The following CRYBB2 variants were observed in gnomAD, a reference collection of about 807,000 sequenced individuals.
CRYBB2 encodes the protein crystallin beta B2.
In CRYBB2, 12 loss-of-function variants were observed where a neutral mutation model predicts 24.3. The ratio of observed to expected loss-of-function variants is 0.49; its 90% CI spans 0.32 to 0.80. The LOEUF is 0.80. CRYBB2 is among the 30% of genes least tolerant of loss of function. The probability of loss-of-function intolerance (pLI) is 0.04; values close to 1 mark genes in which losing one functional copy is unlikely to be tolerated. For missense variants in CRYBB2, 198 were observed against 268.5 expected (o/e 0.74, Z 1.83); for synonymous variants, 98 against 101.6 (o/e 0.96, Z 0.21).
Position 25,231,703 on chromosome 22 carries a change from G to A in CRYBB2, c.549G>A (p.Gln183=). The A allele has an allele frequency of 6.2e-7, 1 of 1,614,152 alleles. No individual in the cohort carries two copies. ...DSSDFGAPHP[Q]VQSVRRIRDM... is the part of the protein sequence containing the mutation. ...GCGACTTTGGGGCCCCTCACCCCCA[G>A]GTGCAGTCCGTGCGCCGTATCCGCG... The change falls in exon 6 of 6, where the codon CAG becomes CAA. Residue 183 remains glutamine (Q), a synonymous_variant. Transcript: ENST00000398215.
At chr22:25,230,525 C>A (rs1935512757) in intron 5 of CRYBB2, among the ~76,000 whole-genome samples, 1 of 151,794 alleles carries the variant, frequency 6.6e-6, no homozygotes, top group African/African-American at 2.4e-5. Flanking sequence ...TTGAAACCAG[C>A]CACAGGGTGC....
At chr22:25,216,618 G>T (rs1300765354), upstream of CRYBB2, among the ~76,000 whole-genome samples, 1 of 152,048 alleles carries the variant, frequency 6.6e-6, no homozygotes, top group Non-Finnish European at 1.5e-5. Flanking sequence ...GTTTTTTGGG[G>T]GACATTTTTG....
At chr22:25,228,295 G>T (rs375873549) in intron 4 of CRYBB2, among the ~76,000 whole-genome samples, 94 of 147,840 alleles carry the variant, frequency 6.4e-4, no homozygotes, top group African/African-American at 2.3e-3. Flanking sequence ...ACTATGAAAT[G>T]CTCCAGAGGG....
chr22:25,212,080 A>C (rs1265253486), upstream of CRYBB2, among the ~76,000 whole-genome samples: 1 of 152,252 alleles, frequency 6.6e-6, no homozygotes, highest in Non-Finnish European at 1.5e-5. Context: ...AGGGCTTAGA[A>C]CAATGAGTAA....
At chr22:25,225,822 G>A (rs749447588) in intron 3 of CRYBB2, among the ~76,000 whole-genome samples, 9 of 152,176 alleles carry the variant, frequency 5.9e-5, no homozygotes, top group Non-Finnish European at 1.3e-4. Flanking sequence ...CTGAAGATGT[G>A]CAGAACACAG....
At chr22:25,228,394 C>G (rs1347390325) in intron 4 of CRYBB2, among the ~76,000 whole-genome samples, 2 of 148,854 alleles carry the variant, frequency 1.3e-5, no homozygotes, top group African/African-American at 5.0e-5. Context: ...TAACCAATAG[C>G]CATCAGAAAT....
At chr22:25,225,447 G>GTAAA (rs1424659038) in intron 3 of CRYBB2, among the ~76,000 whole-genome samples, 1 of 152,168 alleles carries the variant, frequency 6.6e-6, no homozygotes, top group African/African-American at 2.4e-5. Context: ...ACTCCTGGGA[G>GTAAA]GTTTAAGGCT....
upstream of CRYBB2, among the ~76,000 whole-genome samples, chr22:25,218,779 GAAGAAAGAAAGAAAGAAAGAAAGA>G (rs1168197356): frequency 7.5e-4 from 26 of 34,530 alleles, no homozygotes; most frequent in African/African-American, 2.5e-3. Flanking sequence ...GAGAGAGAGA[GAAGAAAGAAAGAAAGAAAGAAAGA>G]AAGAAAGAAA....
At position 25,224,944 on chromosome 22, in the gene CRYBB2, T is replaced by G; in HGVS notation, c.81T>G (p.Phe27Leu). 6.2e-7 allele frequency: 1 copy of G among 1,609,374 alleles called. No individual in the cohort carries two copies. The highest frequency in any genetic ancestry group is 2.2e-5 in the East Asian group (1 of 44,846). Residue 27 changes from phenylalanine (F) to leucine (L), a missense_variant, in exon 3 of 6, where the codon TTT becomes TTG. Phe to Leu is a conservative substitution (Grantham distance 22). Transcript: ENST00000398215. ...TCATCATCTTTGAGCAGGAAAACTTTCAAGGCCACTCGCATGAGCTCAATG... is the reference window on the plus strand; with the variant it reads ...TCATCATCTTTGAGCAGGAAAACTTGCAAGGCCACTCGCATGAGCTCAATG... The part of the protein sequence containing the change: ...PKIIIFEQEN[F>L]QGHSHELNGP...
intron 3 of CRYBB2, among the ~76,000 whole-genome samples, chr22:25,226,232 A>G (rs1465378755): frequency 6.6e-6 from 1 of 151,748 alleles, no homozygotes; most frequent in Non-Finnish European, 1.5e-5. Context: ...CTTGGATCAT[A>G]CTAAACATAA....
rs767817964 is a variant in CRYBB2 at position 25,231,712 on chromosome 22, C to T, written c.558C>T (p.Ser186=). ...DFGAPHPQVQ[S]VRRIRDMQWH... ...GGGCCCCTCACCCCCAGGTGCAGTC[C>T]GTGCGCCGTATCCGCGACATGCAGT... The change falls in exon 6 of 6, where the codon TCC becomes TCT. Residue 186 remains serine, a synonymous_variant. Coordinates refer to ENST00000398215, the MANE Select transcript of CRYBB2 (RefSeq NM_000496.3). 35 of 1,614,028 alleles carry T rather than the reference C, an allele frequency of 2.2e-5. No homozygotes were observed. In the Admixed American group the frequency reaches 3.0e-4, roughly 14 times the overall value.
intron 2 of CRYBB2, among the ~76,000 whole-genome samples, chr22:25,222,165 G>A (rs1935332944): frequency 6.6e-6 from 1 of 152,148 alleles, no homozygotes; most frequent in South Asian, 2.1e-4. Context: ...GGTAGCCCCG[G>A]GCACAGGTTC....
upstream of CRYBB2, among the ~76,000 whole-genome samples, chr22:25,217,899 C>G (rs975920789): frequency 6.6e-6 from 1 of 152,120 alleles, no homozygotes; most frequent in African/African-American, 2.4e-5. Context: ...ATACTTGACC[C>G]AGTCTCCAAG....
chr22:25,220,278 C>A (rs1482006946), intron 1 of CRYBB2, among the ~76,000 whole-genome samples: 1 of 152,204 alleles, frequency 6.6e-6, no homozygotes, highest in African/African-American at 2.4e-5. Context: ...ATAATTGAAT[C>A]CTCACAACCT....
At chr22:25,227,070 T>C (rs1217374114) in intron 3 of CRYBB2, among the ~76,000 whole-genome samples, 1 of 152,232 alleles carries the variant, frequency 6.6e-6, no homozygotes, top group African/African-American at 2.4e-5. Flanking sequence ...ACCTCCTCTT[T>C]TGTTAATGAC....
intron 2 of CRYBB2, among the ~76,000 whole-genome samples, chr22:25,223,094 T>C (rs1222589821): frequency 4.6e-5 from 7 of 152,198 alleles, no homozygotes; most frequent in African/African-American, 1.7e-4. Context: ...CTGGGTCCTC[T>C]GAGCTTCTGG....
At chr22:25,218,727 AG>A (rs1569015898), upstream of CRYBB2, among the ~76,000 whole-genome samples, 7 of 121,494 alleles carry the variant, frequency 5.8e-5, 1 homozygote, top group Non-Finnish European at 6.7e-5. Context: ...AGAGAGAGAG[AG>A]AGAGAGGGGA....
upstream of CRYBB2, among the ~76,000 whole-genome samples, chr22:25,218,210 G>C (rs1163661943): frequency 6.6e-6 from 1 of 150,938 alleles, no homozygotes; most frequent in Non-Finnish European, 1.5e-5. Context: ...AGTGAGCTGA[G>C]ATCGTGCCAC....
intron 3 of CRYBB2, among the ~76,000 whole-genome samples, chr22:25,227,606 G>A (rs974565629): frequency 1.2e-4 from 18 of 150,202 alleles, no homozygotes; most frequent in African/African-American, 3.2e-4. Flanking sequence ...TTGCTGGGCC[G>A]TTATTTAGAC....
Sources: allele counts gnomAD v4.1 joint callset (sites outside exome capture counted in the v4.1 genomes callset), GRCh38; gene constraint gnomAD v4.1.1; transcripts MANE v1.5; gene names NCBI Gene and HGNC (gene_info 2026-07-23, HGNC 2026-07-21).